Variants in CFAP61 observed in about 807,000 individuals in gnomAD.
CFAP61 encodes the protein cilia and flagella associated protein 61.
CFAP61 carries 107 observed loss-of-function variants against 135.6 expected under a neutral mutation model. The observed-to-expected ratio is 0.79, with a 90% CI of 0.67 to 0.93. The LOEUF (loss-of-function observed/expected upper bound fraction) is 0.93. Ranked by LOEUF, CFAP61 falls within the 40% of genes least tolerant of loss-of-function variation. The pLI is 0.00. For missense variants in CFAP61, 1,507 were observed against 1,556.2 expected, an observed-to-expected ratio of 0.97 and a Z score of 0.53; for synonymous variants, 575 against 578.5, an observed-to-expected ratio of 0.99 and a Z score of 0.09.
At chr20:20,298,468 C>A in intron 25 of CFAP61, 82 bp downstream of exon 25, 2 of 1,179,260 alleles carry the variant, frequency 1.7e-6, no homozygotes, top group South Asian at 1.4e-5. Flanking sequence ...TGTTGTGATG[C>A]ACCCGAGAGC....
chr20:20,123,608 C>T (rs138337898), intron 8 of CFAP61, among the ~76,000 whole-genome samples: 38 of 151,722 alleles, frequency 2.5e-4, no homozygotes, highest in East Asian at 9.7e-4. Context: ...GTCTATGTGC[C>T]GATTTTTATA....
At chr20:20,263,228 A>C in intron 21 of CFAP61, 98 bp downstream of exon 21, 2 of 810,596 alleles carry the variant, frequency 2.5e-6, no homozygotes, top group Non-Finnish European at 3.6e-6. Context: ...TTAGTGCCTA[A>C]TTAATTCCAA....
intron 25 of CFAP61, among the ~76,000 whole-genome samples, chr20:20,318,482 T>C (rs1193071784): frequency 6.6e-6 from 1 of 152,204 alleles, no homozygotes. Flanking sequence ...GAGGAGACTT[T>C]CGTGTCTCCC....
intron 8 of CFAP61, among the ~76,000 whole-genome samples, chr20:20,126,094 T>G (rs1174481403): frequency 6.6e-6 from 1 of 151,746 alleles, no homozygotes; most frequent in Non-Finnish European, 1.5e-5. Flanking sequence ...TACTTTAGGT[T>G]TATGTGGGTC....
chr20:20,258,013 A>T (rs1476083178), intron 20 of CFAP61, among the ~76,000 whole-genome samples: 1 of 152,242 alleles, frequency 6.6e-6, no homozygotes, highest in Non-Finnish European at 1.5e-5. Context: ...CAATGGTTAA[A>T]AGTGAAGGTG....
At chr20:20,219,203 G>A (rs1477781924) in intron 17 of CFAP61, among the ~76,000 whole-genome samples, 1 of 152,170 alleles carries the variant, frequency 6.6e-6, no homozygotes, top group Admixed American at 6.5e-5. Flanking sequence ...GCTCATCAGA[G>A]CTCCTTTCTG....
chr20:20,228,418 T>A, intron 18 of CFAP61, 42 bp downstream of exon 18: 1 of 1,540,194 alleles, frequency 6.5e-7, no homozygotes, highest in Admixed American at 1.7e-5. Flanking sequence ...TTTTAAATAA[T>A]AAAAATTATC....
At chr20:20,102,608 T>C (rs908718733) in intron 8 of CFAP61, among the ~76,000 whole-genome samples, 1 of 152,152 alleles carries the variant, frequency 6.6e-6, no homozygotes, top group Non-Finnish European at 1.5e-5. Flanking sequence ...ACCCATTAGT[T>C]ACTTTTCCTG....
intron 19 of CFAP61, 147 bp from the exon 20 acceptor site, chr20:20,251,448 G>A (rs566995491): frequency 1.2e-5 from 7 of 598,330 alleles, no homozygotes; most frequent in East Asian, 6.3e-5. Flanking sequence ...GTTTCATAAC[G>A]AAAAATCTCC....
At chr20:20,358,498 A>C (rs902056009) in intron 26 of CFAP61, among the ~76,000 whole-genome samples, 2 of 152,210 alleles carry the variant, frequency 1.3e-5, no homozygotes, top group Non-Finnish European at 2.9e-5. Flanking sequence ...GGTTTGATAC[A>C]ATTCTCCAGA....
At chr20:20,257,628 C>CAAAAAAAAAAAAAA (rs79177514) in intron 20 of CFAP61, among the ~76,000 whole-genome samples, 1 of 36,816 alleles carries the variant, frequency 2.7e-5, no homozygotes, top group Non-Finnish European at 6.2e-5. Flanking sequence ...AACAAAAAAA[C>CAAAAAAAAAAAAAA]AAAAAAAAAA....
chr20:20,314,642 C>T (rs1252617484), intron 25 of CFAP61, among the ~76,000 whole-genome samples: 186 of 142,486 alleles, frequency 1.3e-3, no homozygotes, highest in African/African-American at 4.3e-3. Context: ...CCCACTAACT[C>T]GTCATCTAGC....
chr20:20,173,005 T>C (rs1172615509), intron 13 of CFAP61, among the ~76,000 whole-genome samples: 1 of 152,242 alleles, frequency 6.6e-6, no homozygotes, highest in Non-Finnish European at 1.5e-5. Flanking sequence ...AATTTTACAT[T>C]TACAGAATGT....
intron 16 of CFAP61, among the ~76,000 whole-genome samples, chr20:20,197,839 A>G (rs1256116659): frequency 6.6e-6 from 1 of 152,226 alleles, no homozygotes; most frequent in Non-Finnish European, 1.5e-5. Flanking sequence ...GATTCCACTC[A>G]TGAACTCAAA....
intron 9 of CFAP61, among the ~76,000 whole-genome samples, chr20:20,147,977 A>G (rs1049105583): frequency 6.6e-6 from 1 of 152,118 alleles, no homozygotes; most frequent in African/African-American, 2.4e-5. Context: ...GTGACTTGCC[A>G]GTTTTCTCAG....
rs552087014 is a variant in CFAP61 at position 20,156,039 on chromosome 20, T to G, written c.952-3331T>G. ...CAGACTAAATGCCATCAACATAGAGTCTTTTATCTGCACATTGGGTACAGT... is the reference window on the plus strand; with the variant it reads ...CAGACTAAATGCCATCAACATAGAGGCTTTTATCTGCACATTGGGTACAGT... On this transcript the variant is annotated intron_variant, in intron 9 of 26. Coordinates refer to ENST00000245957, the MANE Select transcript of CFAP61 (RefSeq NM_015585.4). 1.7e-4 allele frequency among the ~76,000 whole-genome samples: 25 copies of G among 151,498 alleles called. No individual in the cohort carries two copies. The South Asian group carries it at 5.0e-3, about 30-fold the overall frequency.
chr20:20,180,079 G>A (rs1300632094), intron 13 of CFAP61, among the ~76,000 whole-genome samples: 4 of 152,204 alleles, frequency 2.6e-5, no homozygotes, highest in Non-Finnish European at 5.9e-5. Flanking sequence ...AGAGTGAACA[G>A]ACAACCTATA....
chr20:20,095,458 C>T (rs1234003675), intron 7 of CFAP61: 1 of 152,252 alleles, frequency 6.6e-6, no homozygotes, highest in Non-Finnish European at 1.5e-5. Context: ...AGGCTGTGCC[C>T]TGTGGGAAAC....
At chr20:20,354,017 C>T (rs974436313) in intron 26 of CFAP61, among the ~76,000 whole-genome samples, 21 of 152,206 alleles carry the variant, frequency 1.4e-4, no homozygotes, top group Admixed American at 1.3e-3. Flanking sequence ...GAAATATCTA[C>T]ATTCCTATGC....
Sources: gnomAD v4.1 joint callset for allele counts (sites outside exome capture counted in the v4.1 genomes callset) on GRCh38, gnomAD v4.1.1 for gene constraint, MANE v1.5 for transcripts, NCBI Gene and HGNC (gene_info 2026-07-23, HGNC 2026-07-21) for gene names.